Variants in ERC2 observed in about 807,000 individuals in gnomAD.
The protein encoded by ERC2 is ELKS/RAB6-interacting/CAST family member 2.
In ERC2, 42 loss-of-function variants were observed where a neutral mutation model predicts 114.8. That is an observed-to-expected ratio of 0.37 (90% CI 0.29 to 0.47). ERC2 has a LOEUF of 0.47. Among genes scored for constraint, ERC2 ranks in the 20% least tolerant of loss-of-function variants. The pLI is 0.99. For synonymous variants in ERC2, 454 were observed against 425.5 expected (o/e 1.07, Z -0.82); for missense variants, 939 against 1,150.7 (o/e 0.82, Z 2.66).
chr3:56,336,868 T>C (rs1335155910), intron 2 of ERC2, among the ~76,000 whole-genome samples: 2 of 152,190 alleles, frequency 1.3e-5, no homozygotes, highest in African/African-American at 4.8e-5. Context: ...TAAGACATTA[T>C]TTCTCTACAC....
At chr3:55,612,814 T>A (rs2058964031) in intron 17 of ERC2, 1 of 152,220 alleles carries the variant, frequency 6.6e-6, no homozygotes, top group Admixed American at 6.5e-5. Context: ...TTAGAATGTA[T>A]CTACTATCTC....
intron 6 of ERC2, among the ~76,000 whole-genome samples, chr3:56,082,245 G>A (rs1307469945): frequency 6.6e-6 from 1 of 152,010 alleles, no homozygotes; most frequent in Non-Finnish European, 1.5e-5. Context: ...AGGTCATGAG[G>A]GCAAAGTGCC....
chr3:55,930,539 C>T (rs561843329), intron 13 of ERC2, among the ~76,000 whole-genome samples: 3 of 152,224 alleles, frequency 2.0e-5, no homozygotes, highest in East Asian at 3.9e-4. Context: ...GTTGGGAAAA[C>T]GGGCTAGCCA....
chr3:55,754,603 C>CTT (rs1205624589), intron 14 of ERC2, among the ~76,000 whole-genome samples: 2 of 130,184 alleles, frequency 1.5e-5, no homozygotes, highest in East Asian at 4.6e-4. Context: ...TCCATTCTTA[C>CTT]ATAAAAAAAA....
intron 14 of ERC2, chr3:55,852,632 G>T (rs182316649): frequency 6.5e-6 from 1 of 152,744 alleles, no homozygotes; most frequent in Non-Finnish European, 1.5e-5. Flanking sequence ...GAGGGTAAAG[G>T]TACATGGATT....
intron 14 of ERC2, among the ~76,000 whole-genome samples, chr3:55,797,432 C>A (rs560971878): frequency 6.6e-6 from 1 of 152,208 alleles, no homozygotes; most frequent in South Asian, 2.1e-4. Flanking sequence ...CTAGGTGATC[C>A]TAGATTGATA....
chr3:55,984,735 G>A (rs557022562), intron 12 of ERC2, among the ~76,000 whole-genome samples: 1 of 152,202 alleles, frequency 6.6e-6, no homozygotes, highest in Admixed American at 6.5e-5. Context: ...CAGATCTCTT[G>A]GAACTTTTGA....
rs2066993097 is a variant in ERC2, at chr3:55,944,270, G to A, written c.2403+6155C>T. On this transcript the variant is annotated intron_variant, in intron 13 of 17. Coordinates refer to ENST00000288221, the MANE Select transcript of ERC2 (RefSeq NM_015576.3). ...TCACTTTGCCAAGGACTGCTGAAGA[G>A]CCACTAATGGAGTGAAACCTGAAAA... Among the ~76,000 whole-genome samples, 8 of 152,226 alleles carry A rather than the reference G, an allele frequency of 5.3e-5. No individual in the cohort carries two copies. The South Asian group carries it at 1.7e-3, about 32-fold the overall frequency.
chr3:56,367,141 C>T (rs986833919), intron 2 of ERC2, among the ~76,000 whole-genome samples: 2 of 152,136 alleles, frequency 1.3e-5, no homozygotes, highest in Non-Finnish European at 2.9e-5. Context: ...GCCTATCATA[C>T]CTCATTTCAT....
intron 17 of ERC2, among the ~76,000 whole-genome samples, chr3:55,554,620 T>C (rs1254222535): frequency 2.0e-5 from 3 of 152,210 alleles, no homozygotes; most frequent in African/African-American, 7.2e-5. Context: ...AGAAACAGCT[T>C]CAAAACCTTC....
chr3:56,326,231 A>G (rs1215491768), intron 2 of ERC2, among the ~76,000 whole-genome samples: 5 of 152,358 alleles, frequency 3.3e-5, no homozygotes, highest in South Asian at 2.1e-4. Context: ...AGCCTGAGGA[A>G]AGTCCAAGTT....
intron 6 of ERC2, among the ~76,000 whole-genome samples, chr3:56,096,595 G>T (rs1576915208): frequency 6.6e-6 from 1 of 152,170 alleles, no homozygotes. Flanking sequence ...TACAAGGTAG[G>T]TATTATTTAG....
At chr3:55,899,113 T>C (rs1323849402) in intron 13 of ERC2, among the ~76,000 whole-genome samples, 3 of 152,244 alleles carry the variant, frequency 2.0e-5, no homozygotes, top group Non-Finnish European at 4.4e-5. Context: ...AAGAACAATA[T>C]GAGAACATAC....
At chr3:55,687,553 C>G (rs2062399451) in intron 16 of ERC2, among the ~76,000 whole-genome samples, 1 of 152,160 alleles carries the variant, frequency 6.6e-6, no homozygotes, top group South Asian at 2.1e-4. Flanking sequence ...TTTGTGGGAA[C>G]TCAGCCACGG....
At chr3:56,223,166 T>C (rs2050028188) in intron 3 of ERC2, among the ~76,000 whole-genome samples, 1 of 152,190 alleles carries the variant, frequency 6.6e-6, no homozygotes, top group Non-Finnish European at 1.5e-5. Flanking sequence ...ACTGTCCTCA[T>C]CTCTTCATGT....
chr3:56,132,946 C>A (rs1175801847), intron 6 of ERC2, among the ~76,000 whole-genome samples: 1 of 152,184 alleles, frequency 6.6e-6, no homozygotes, highest in East Asian at 1.9e-4. Context: ...AGAGTTTGGG[C>A]AATGACCTTC....
chr3:55,788,302 G>C (rs947536495), intron 14 of ERC2, among the ~76,000 whole-genome samples: 5 of 152,136 alleles, frequency 3.3e-5, no homozygotes, highest in African/African-American at 7.2e-5. Context: ...TGGACAGCTG[G>C]TTGCATTCCT....
chr3:55,517,223 T>C (rs937327891), intron 17 of ERC2, among the ~76,000 whole-genome samples: 1 of 151,970 alleles, frequency 6.6e-6, no homozygotes, highest in Non-Finnish European at 1.5e-5. Flanking sequence ...GGCGGATCAC[T>C]TGAGTCCAGG....
chr3:55,931,992 G>A (rs781767419), intron 13 of ERC2, among the ~76,000 whole-genome samples: 11 of 152,218 alleles, frequency 7.2e-5, no homozygotes, highest in Non-Finnish European at 1.0e-4. Context: ...ATGGAATAAC[G>A]ATCAACTGGA....
Sources: gnomAD v4.1 joint callset for allele counts (sites outside exome capture counted in the v4.1 genomes callset) on GRCh38, gnomAD v4.1.1 for gene constraint, MANE v1.5 for transcripts, NCBI Gene and HGNC (gene_info 2026-07-23, HGNC 2026-07-21) for gene names.